KIF26B: variants seen among roughly 807,000 people sequenced by gnomAD.
KIF26B encodes kinesin-like protein KIF26B.
Under a neutral mutation model 151.2 loss-of-function variants are expected in KIF26B, and 63 were observed. The ratio of observed to expected loss-of-function variants is 0.42; its 90% CI spans 0.34 to 0.51. The LOEUF (loss-of-function observed/expected upper bound fraction) is 0.51, where lower values mean the gene tolerates loss of function less well. Ranked by LOEUF, KIF26B falls within the 20% of genes least tolerant of loss-of-function variation. The pLI is 0.07. For missense variants in KIF26B, 2,813 were observed against 2,913.6 expected, an observed-to-expected ratio of 0.97 and a Z score of 0.79; for synonymous variants, 1,357 against 1,262.1, an observed-to-expected ratio of 1.08 and a Z score of -1.59.
chr1:245,684,431 GGGAGCCTTT>G (rs2044482640), intron 11 of KIF26B, 36 bp downstream of exon 11: 1 of 1,543,182 alleles, frequency 6.5e-7, no homozygotes, highest in Admixed American at 2.0e-5. Flanking sequence ...TGGTGGATGA[GGGAGCCTTT>G]GGAGCCGTGC....
intron 2 of KIF26B, among the ~76,000 whole-genome samples, chr1:245,359,464 G>A (rs1672768419): frequency 6.6e-6 from 1 of 152,190 alleles, no homozygotes; most frequent in Admixed American, 6.5e-5. Context: ...AAATGAGGAA[G>A]CGTTTTCAGT....
At chr1:245,544,935 G>C (rs1450999794) in intron 5 of KIF26B, among the ~76,000 whole-genome samples, 1 of 152,076 alleles carries the variant, frequency 6.6e-6, no homozygotes, top group Non-Finnish European at 1.5e-5. Flanking sequence ...GTCATTTCTG[G>C]CCACTGAGCA....
chr1:245,287,505 T>G (rs1481915810), intron 2 of KIF26B, among the ~76,000 whole-genome samples: 1 of 148,742 alleles, frequency 6.7e-6, no homozygotes, highest in African/African-American at 2.5e-5. Flanking sequence ...TCTCTTTTTT[T>G]TTTTTTTTTT....
chr1:245,517,300 A>G (rs897111235), intron 4 of KIF26B, among the ~76,000 whole-genome samples: 8 of 152,104 alleles, frequency 5.3e-5, no homozygotes, highest in Middle Eastern at 3.4e-3. Context: ...GGTTGCAGTG[A>G]GCCAAGATTA....
Position 245,705,044 on chromosome 1 carries a change from C to T in KIF26B, c.*2438C>T, listed in dbSNP as rs1296567782. On this transcript the variant is annotated 3_prime_UTR_variant, in exon 15 of 15. Transcript: ENST00000407071. ...CCTGGTGCCCTTCCTGGACTGAAAC[C>T]GATGGAATCCTTCCGAGGGGAGTGG... The T allele has an allele frequency of 1.3e-5, 2 of 152,310 alleles. No homozygotes were observed. Among genetic ancestry groups the T allele is most frequent in the South Asian group, 2.1e-4 (1 of 4,822 alleles). 9.4% of individuals were successfully genotyped at this position (152,310 alleles called of 1,614,324 possible). A position where few individuals can be genotyped will look rare whatever the true frequency, so the allele number is the denominator to read the frequency against.
chr1:245,602,760 G>C lies in KIF26B; in HGVS notation c.1534G>C (p.Val512Leu), dbSNP rs1421165170. Residue 512 changes from valine to leucine, a missense_variant, in exon 6 of 15, where the codon GTT becomes CTT. By Grantham distance (32) the Val-to-Leu change is conservative. This residue lies in a region of KIF26B where 676 missense variants were observed against 688.1 expected (regional missense o/e 0.98). Coordinates refer to ENST00000407071, the MANE Select transcript of KIF26B (RefSeq NM_018012.4). This position sits in a 1 kb window ranked among gnomAD's most constrained non-coding sequence, Gnocchi z 4.5. ...TCCAAAGATGTTTGCCTTCGATGCA[G>C]TTTTTCCACAAGACGCTTCTCAGGT... ...VPPKMFAFDA[V>L]FPQDASQAEV... The C allele has an allele frequency of 8.7e-6, 14 of 1,613,746 alleles. No homozygotes were observed. Among genetic ancestry groups the C allele is most frequent in the Non-Finnish European group, 1.2e-5 (14 of 1,179,904 alleles).
chr1:245,210,252 C>T (rs988607749), intron 2 of KIF26B, among the ~76,000 whole-genome samples: 43 of 152,310 alleles, frequency 2.8e-4, no homozygotes, highest in African/African-American at 1.0e-3. Flanking sequence ...GACATCAGGC[C>T]ACCCGCAGCC....
intron 2 of KIF26B, among the ~76,000 whole-genome samples, chr1:245,307,930 C>T (rs12403095): frequency 0.22 from 33,495 of 152,054 alleles, 3,906 homozygotes; most frequent in Admixed American, 0.32. Flanking sequence ...TTAGTGGAGA[C>T]GGGGTTTTAC....
Position 245,358,329 on chromosome 1 carries a change from G to T in KIF26B, c.466-8505G>T, listed in dbSNP as rs1672741913. On this transcript the variant is annotated intron_variant, in intron 2 of 14. Transcript: ENST00000407071. This position sits in a 1 kb window ranked among gnomAD's most constrained non-coding sequence, Gnocchi z 4.1. ...AGGTCAGGAAATCGAGACCATCCTG[G>T]CTAGCAGAGTGAAACCCTGTCTCTA... Among the ~76,000 whole-genome samples the T allele has an allele frequency of 6.6e-6, 1 of 152,156 alleles. No homozygotes were observed. Among genetic ancestry groups the T allele is most frequent in the Non-Finnish European group, 1.5e-5 (1 of 68,018 alleles).
intron 2 of KIF26B, among the ~76,000 whole-genome samples, chr1:245,315,259 A>G (rs1009239900): frequency 6.6e-6 from 1 of 151,578 alleles, no homozygotes; most frequent in South Asian, 2.1e-4. Context: ...AGAGAGTTTC[A>G]GTCTGAGTTG....
intron 2 of KIF26B, among the ~76,000 whole-genome samples, chr1:245,249,650 C>T (rs1377342381): frequency 1.3e-5 from 2 of 151,802 alleles, no homozygotes; most frequent in Non-Finnish European, 2.9e-5. Flanking sequence ...GCCTGGCTAA[C>T]TTTTGTATTT....
intron 4 of KIF26B, among the ~76,000 whole-genome samples, chr1:245,446,248 A>C (rs1477063097): frequency 2.0e-5 from 3 of 152,186 alleles, no homozygotes; most frequent in Non-Finnish European, 4.4e-5. Flanking sequence ...GAACATAAAG[A>C]AGGTATAGCA....
At chr1:245,164,901 C>T (rs1426625308) in intron 2 of KIF26B, among the ~76,000 whole-genome samples, 1 of 152,110 alleles carries the variant, frequency 6.6e-6, no homozygotes, top group Non-Finnish European at 1.5e-5. Context: ...GGTGAAACCC[C>T]GTCTCTACTA....
In KIF26B at chr1:245,640,160, T is replaced by TATATATATATATATATATATACAC. The variant is rs796722836; in HGVS notation, c.2099-5960_2099-5959insTATATATATATATATATATACACA. Among the ~76,000 whole-genome samples, 316 of 54,394 alleles carry TATATATATATATATATATATACAC rather than the reference T, an allele frequency of 5.8e-3. 26 individuals are homozygous for TATATATATATATATATATATACAC. The highest frequency in any genetic ancestry group is 0.011 in the East Asian group (11 of 996). The allele number at this position is 54,394 out of a possible 152,430, so 35.7% of individuals were successfully genotyped here. A position where few individuals can be genotyped will look rare whatever the true frequency, so the allele number is the denominator to read the frequency against. On this transcript the variant is annotated intron_variant, in intron 9 of 14. Transcript: ENST00000407071. The stretch of plus-strand genomic sequence containing the variant: ...CTCTCTCTCTATATATATATATATA[T>TATATATATATATATATATATACAC]ACCCTGCTATTTGGTTATATATATT...
rs765754484 is a variant in KIF26B, at chr1:245,667,692, C to T, written c.2259-16541C>T. 2.4e-4 allele frequency among the ~76,000 whole-genome samples: 37 copies of T among 152,178 alleles called. No individual in the cohort carries two copies. Among genetic ancestry groups the T allele is most frequent in the Admixed American group, 7.2e-4 (11 of 15,286 alleles). Reference sequence around the variant, plus strand: ...AGAGAAGTGGCATCTGCCCATCCTACGCAGTTCTCCAGGAAGGAGGTGGCA... The same window carrying T: ...AGAGAAGTGGCATCTGCCCATCCTATGCAGTTCTCCAGGAAGGAGGTGGCA... On this transcript the variant is annotated intron_variant, in intron 10 of 14. Coordinates refer to ENST00000407071, the MANE Select transcript of KIF26B (RefSeq NM_018012.4). The surrounding 1 kb of genome is among the most constrained non-coding windows in gnomAD (Gnocchi z 4.3).
chr1:245,211,197 G>C (rs541422748), intron 2 of KIF26B, among the ~76,000 whole-genome samples: 1 of 152,138 alleles, frequency 6.6e-6, no homozygotes, highest in Non-Finnish European at 1.5e-5. Context: ...GGTGTGGGAC[G>C]GGAGCAGTCA....
chr1:245,501,020 C>T (rs762499046), intron 4 of KIF26B, among the ~76,000 whole-genome samples: 2 of 152,146 alleles, frequency 1.3e-5, no homozygotes, highest in African/African-American at 4.8e-5. Context: ...ACTTACTATG[C>T]GTATGTGATG....
intron 2 of KIF26B, among the ~76,000 whole-genome samples, chr1:245,262,442 GTTTA>G (rs1316080517): frequency 1.3e-5 from 2 of 151,850 alleles, no homozygotes; most frequent in South Asian, 2.1e-4. Context: ...TTCTTTTTTT[GTTTA>G]TTTGTTTGTT....
chr1:245,337,116 G>A lies in KIF26B; in HGVS notation c.466-29718G>A, dbSNP rs189909294. On this transcript the variant is annotated intron_variant, in intron 2 of 14. Coordinates refer to ENST00000407071, the MANE Select transcript of KIF26B (RefSeq NM_018012.4). ...ATTCTGTGTGTATGTTTGGGAGGAT[G>A]TGGAGAGCATTTAGAAGTTTTATTT... Among the ~76,000 whole-genome samples, 343 of 152,110 alleles carry A rather than the reference G, an allele frequency of 2.3e-3. 2 individuals carry two copies. Among genetic ancestry groups the A allele is most frequent in the Non-Finnish European group, 4.3e-3 (294 of 67,998 alleles).
Sources: gnomAD v4.1 joint callset for allele counts (sites outside exome capture counted in the v4.1 genomes callset) on GRCh38, gnomAD v4.1.1 for gene constraint, gnomAD v4.1.1 regional missense constraint, Gnocchi (gnomAD v3.1) non-coding constraint, MANE v1.5 for transcripts, NCBI Gene and HGNC (gene_info 2026-07-23, HGNC 2026-07-21) for gene names.